MYO1B: variants seen among roughly 807,000 people sequenced by gnomAD.
The protein encoded by MYO1B is myosin IB.
MYO1B carries 72 observed loss-of-function variants against 159.7 expected under a neutral mutation model. The observed-to-expected ratio is 0.45, with a 90% CI of 0.37 to 0.55. The LOEUF is 0.55. Ranked by LOEUF, MYO1B falls within the 20% of genes least tolerant of loss-of-function variation. The pLI, the probability that MYO1B is intolerant of heterozygous loss-of-function variation, is 0.00. For missense variants in MYO1B, 1,062 were observed against 1,364.8 expected, an observed-to-expected ratio of 0.78 and a Z score of 3.50; for synonymous variants, 468 against 473.8, an observed-to-expected ratio of 0.99 and a Z score of 0.16.
At chr2:191,255,007 A>G (rs551576888) in intron 1 of MYO1B, among the ~76,000 whole-genome samples, 1 of 152,210 alleles carries the variant, frequency 6.6e-6, no homozygotes, top group South Asian at 2.1e-4. Context: ...AGCTCACTGC[A>G]GGATCGAACT....
chr2:191,329,540 T>C (rs1390518323), intron 3 of MYO1B, among the ~76,000 whole-genome samples: 1 of 151,038 alleles, frequency 6.6e-6, no homozygotes. Flanking sequence ...TGGATTTTAG[T>C]TTAACAACCC....
At chr2:191,375,603 T>C (rs1431281482) in intron 13 of MYO1B, among the ~76,000 whole-genome samples, 3 of 152,098 alleles carry the variant, frequency 2.0e-5, no homozygotes, top group Non-Finnish European at 4.4e-5. Context: ...CAAAGTCTTA[T>C]AGTGTATATT....
chr2:191,386,213 T>C (rs1695391057), intron 16 of MYO1B, 129 bp downstream of exon 16: 3 of 757,090 alleles, frequency 4.0e-6, no homozygotes, highest in Non-Finnish European at 6.5e-6. Context: ...AGTGGTTGAA[T>C]CGATAAATGT....
At chr2:191,316,931 T>A (rs996953257) in intron 3 of MYO1B, among the ~76,000 whole-genome samples, 8 of 152,208 alleles carry the variant, frequency 5.3e-5, no homozygotes, top group Non-Finnish European at 1.0e-4. Flanking sequence ...TATTCATTGA[T>A]CCAGGAAAAT....
chr2:191,246,648 GGAT>G (rs1215613647), intron 1 of MYO1B, among the ~76,000 whole-genome samples: 1 of 151,788 alleles, frequency 6.6e-6, no homozygotes, highest in Non-Finnish European at 1.5e-5. Context: ...TGTAGCTAGT[GGAT>G]ATTGGCTGGA....
intron 1 of MYO1B, among the ~76,000 whole-genome samples, chr2:191,272,161 G>A (rs1333502548): frequency 6.6e-6 from 1 of 152,158 alleles, no homozygotes. Flanking sequence ...AGTAGATAGG[G>A]GAAGGAACAA....
In MYO1B at chr2:191,411,758, C is replaced by T. The variant is rs568224484; in HGVS notation, c.2873+586C>T. ...ACCGTGGACTCAGAAAAAGAAGGAA[C>T]ACCAATCCCAAGTTCAGCAAGTGAA... On this transcript the variant is annotated intron_variant, in intron 27 of 30. Coordinates refer to ENST00000392318, the MANE Select transcript of MYO1B (RefSeq NM_001130158.3). 2.6e-5 allele frequency among the ~76,000 whole-genome samples: 4 copies of T among 152,266 alleles called. No individual in the cohort carries two copies. The South Asian group carries it at 8.3e-4, about 32-fold the overall frequency.
intron 7 of MYO1B, among the ~76,000 whole-genome samples, chr2:191,353,972 C>T (rs540544360): frequency 1.3e-5 from 2 of 152,252 alleles, no homozygotes; most frequent in Admixed American, 6.5e-5. Context: ...TAGTGTCAAA[C>T]ATAGGCTGGG....
intron 3 of MYO1B, among the ~76,000 whole-genome samples, chr2:191,300,998 G>A (rs1689294665): frequency 6.6e-6 from 1 of 151,970 alleles, no homozygotes; most frequent in Admixed American, 6.5e-5. Flanking sequence ...GTTATCATTT[G>A]TGGGTCTGTT....
At chr2:191,394,555 A>G (rs1027791396) in intron 20 of MYO1B, among the ~76,000 whole-genome samples, 4 of 152,234 alleles carry the variant, frequency 2.6e-5, no homozygotes, top group African/African-American at 9.6e-5. Context: ...GTGAAAGACA[A>G]TACGCATTTA....
intron 1 of MYO1B, among the ~76,000 whole-genome samples, chr2:191,258,227 G>C (rs889328452): frequency 6.6e-6 from 1 of 152,182 alleles, no homozygotes; most frequent in African/African-American, 2.4e-5. Flanking sequence ...CTACAAACCT[G>C]TACAGACGTG....
At chr2:191,366,751 C>G (rs1439197624) in intron 11 of MYO1B, among the ~76,000 whole-genome samples, 1 of 152,040 alleles carries the variant, frequency 6.6e-6, no homozygotes, top group Admixed American at 6.6e-5. Flanking sequence ...CCTATCACCC[C>G]CCATGTCATG....
rs1188339088 is a variant in MYO1B at position 191,390,361 on chromosome 2, G to C, written c.1851G>C (p.Arg617Ser). Residue 617 changes from arginine to serine, a missense_variant, in exon 18 of 31, where the codon AGG becomes AGC. By Grantham distance (110) the Arg-to-Ser change is moderately radical. Around this residue, in one of 5 missense-constraint regions of MYO1B, gnomAD observed 609 missense variants for 744.4 expected, o/e 0.82. Coordinates refer to ENST00000392318, the MANE Select transcript of MYO1B (RefSeq NM_001130158.3). The part of the protein sequence containing the change: ...FNEALVCHQI[R>S]YLGLLENVRV... Reference sequence around the variant, plus strand: ...AGGCTCTAGTGTGTCATCAGATCAGGTACCTGGGGCTTTTGGAGAACGTCC... The same window carrying C: ...AGGCTCTAGTGTGTCATCAGATCAGCTACCTGGGGCTTTTGGAGAACGTCC... The C allele has an allele frequency of 6.2e-7, 1 of 1,614,126 alleles. No homozygotes were observed. Among genetic ancestry groups the C allele is most frequent in the East Asian group, 2.2e-5 (1 of 44,902 alleles).
intron 8 of MYO1B, among the ~76,000 whole-genome samples, chr2:191,361,491 T>C (rs1460120760): frequency 6.6e-6 from 1 of 151,938 alleles, no homozygotes; most frequent in Admixed American, 6.6e-5. Context: ...GAAGAAGAGC[T>C]ATGAAAAGTC....
At chr2:191,377,785 C>G (rs1694800527) in intron 13 of MYO1B, 1 of 152,118 alleles carries the variant, frequency 6.6e-6, no homozygotes, top group Non-Finnish European at 1.5e-5. Context: ...TATGTGCAGT[C>G]CCATTTTCCT....
At chr2:191,408,961 G>GT in intron 25 of MYO1B, 83 bp from the exon 26 acceptor site, 1 of 1,379,196 alleles carries the variant, frequency 7.3e-7, no homozygotes, top group Non-Finnish European at 9.8e-7. Context: ...CTATTGTCTC[G>GT]TTTATTTGAT....
At chr2:191,408,999 G>GTGGTATA (rs1559243987) in intron 25 of MYO1B, 45 bp from the exon 26 acceptor site, 1 of 1,568,010 alleles carries the variant, frequency 6.4e-7, no homozygotes, top group Admixed American at 2.0e-5. Context: ...AGTGTCTTTT[G>GTGGTATA]TGGTATATTT....
At chr2:191,335,132 C>T (rs1019412875) in intron 4 of MYO1B, among the ~76,000 whole-genome samples, 7 of 152,114 alleles carry the variant, frequency 4.6e-5, no homozygotes, top group South Asian at 2.1e-4. Flanking sequence ...ATCACTAAGA[C>T]GCCTGGAGCC....
At chr2:191,294,363 G>C (rs1045775874) in intron 2 of MYO1B, among the ~76,000 whole-genome samples, 1 of 152,134 alleles carries the variant, frequency 6.6e-6, no homozygotes, top group Non-Finnish European at 1.5e-5. Context: ...AAGGGAGAAG[G>C]ATTCAAATAG....
Sources: gnomAD v4.1 joint callset for allele counts (sites outside exome capture counted in the v4.1 genomes callset) on GRCh38, gnomAD v4.1.1 for gene constraint, gnomAD v4.1.1 regional missense constraint, MANE v1.5 for transcripts, NCBI Gene and HGNC (gene_info 2026-07-23, HGNC 2026-07-21) for gene names.